SHISA9: variants seen among roughly 807,000 people sequenced by gnomAD.
The protein encoded by SHISA9 is shisa family member 9, also known as protein shisa-9.
In SHISA9, 13 loss-of-function variants were observed where a neutral mutation model predicts 38.0. The observed-to-expected ratio is 0.34, with a 90% CI of 0.22 to 0.54. The LOEUF (loss-of-function observed/expected upper bound fraction) is 0.54, where lower values mean the gene tolerates loss of function less well. Ranked by LOEUF, SHISA9 falls within the 20% of genes least tolerant of loss-of-function variation. SHISA9 has a pLI of 0.91. For synonymous variants in SHISA9, 275 were observed against 242.0 expected, an observed-to-expected ratio of 1.14 and a Z score of -1.27; for missense variants, 538 against 575.8, an observed-to-expected ratio of 0.93 and a Z score of 0.67.
At chr16:13,551,693 G>A in the SHISA9 span, among the ~76,000 whole-genome samples, 1 of 152,140 alleles carries the variant, frequency 6.6e-6, no homozygotes, top group Admixed American at 6.5e-5. Flanking sequence ...TAGACACAAA[G>A]GGGCTTCATA....
intron 2 of SHISA9, among the ~76,000 whole-genome samples, chr16:13,035,766 G>A (rs1457018216): frequency 6.6e-6 from 1 of 152,094 alleles, no homozygotes; most frequent in Non-Finnish European, 1.5e-5. Context: ...CCTGACCTCA[G>A]GTGATCTGCC....
chr16:13,428,690 C>T, the SHISA9 span, among the ~76,000 whole-genome samples: 2,035 of 152,018 alleles, frequency 0.013, 50 homozygotes, highest in African/African-American at 0.046. Context: ...GTCTGTTGGG[C>T]TGATGATCTT....
At chr16:13,017,529 C>G (rs2072772296) in intron 2 of SHISA9, among the ~76,000 whole-genome samples, 2 of 151,998 alleles carry the variant, frequency 1.3e-5, no homozygotes, top group South Asian at 4.2e-4. Flanking sequence ...TATTGAAAGT[C>G]TGTATTCTTT....
intron 2 of SHISA9, among the ~76,000 whole-genome samples, chr16:13,049,634 C>G (rs2073228155): frequency 1.3e-5 from 2 of 152,068 alleles, no homozygotes; most frequent in African/African-American, 4.8e-5. Context: ...TTTTCTCTAT[C>G]CATAACTTAA....
the SHISA9 span, among the ~76,000 whole-genome samples, chr16:13,296,635 G>C: frequency 6.6e-6 from 1 of 151,460 alleles, no homozygotes; most frequent in East Asian, 1.9e-4. Flanking sequence ...TACAATACTT[G>C]CTCATTGCAC....
intron 2 of SHISA9, among the ~76,000 whole-genome samples, chr16:13,136,845 A>G (rs578153934): frequency 9.9e-5 from 15 of 152,192 alleles, no homozygotes; most frequent in Middle Eastern, 6.8e-3. Context: ...TTTTTGACTA[A>G]TGTCTCATTG....
chr16:13,214,985 C>CT (rs1348315538), intron 4 of SHISA9, among the ~76,000 whole-genome samples: 1 of 151,994 alleles, frequency 6.6e-6, no homozygotes, highest in African/African-American at 2.4e-5. Flanking sequence ...ATTATTCTGG[C>CT]TTCTAAGTGG....
intron 2 of SHISA9, among the ~76,000 whole-genome samples, chr16:12,918,518 G>A (rs2071287204): frequency 6.6e-6 from 1 of 152,200 alleles, no homozygotes; most frequent in Non-Finnish European, 1.5e-5. Flanking sequence ...TCCATCAGGT[G>A]GGCGGGAAAC....
chr16:12,948,924 A>T lies in SHISA9; in HGVS notation c.691+32109A>T, dbSNP rs991512606. ...ATTATGCCATAAGCATTTAAATATT[A>T]TATACCTTTGTAATATAATTTCAAA... On this transcript the variant is annotated intron_variant, in intron 2 of 4. Transcript: ENST00000558583. Among the ~76,000 whole-genome samples, 7 of 152,334 alleles carry T rather than the reference A, an allele frequency of 4.6e-5. No homozygotes were observed. In the South Asian group the frequency reaches 8.3e-4, roughly 18 times the overall value.
chr16:13,534,149 T>G, the SHISA9 span, among the ~76,000 whole-genome samples: 1 of 152,048 alleles, frequency 6.6e-6, no homozygotes, highest in Non-Finnish European at 1.5e-5. Flanking sequence ...CCCCATTTCT[T>G]TTTACCATTT....
intron 2 of SHISA9, among the ~76,000 whole-genome samples, chr16:13,109,312 C>T (rs537567659): frequency 7.0e-4 from 106 of 152,270 alleles, no homozygotes; most frequent in African/African-American, 2.5e-3. Context: ...GGGCAGGCAT[C>T]ACCATGCCCA....
the SHISA9 span, among the ~76,000 whole-genome samples, chr16:13,281,623 A>G: frequency 1.5e-5 from 2 of 135,460 alleles, no homozygotes; most frequent in East Asian, 2.1e-4. Flanking sequence ...AATTTATTAT[A>G]TTTTCTCTTA....
chr16:13,326,710 G>A, the SHISA9 span, among the ~76,000 whole-genome samples: 1 of 152,128 alleles, frequency 6.6e-6, no homozygotes, highest in Admixed American at 6.5e-5. Flanking sequence ...GATGAAGCAA[G>A]GCGCCTTCTC....
chr16:13,425,944 C>G, the SHISA9 span, among the ~76,000 whole-genome samples: 5 of 152,126 alleles, frequency 3.3e-5, no homozygotes, highest in Admixed American at 6.6e-5. Context: ...TTGGGGGCTG[C>G]CCAAGGTCAA....
At chr16:12,927,791 A>C (rs1312912736) in intron 2 of SHISA9, among the ~76,000 whole-genome samples, 3 of 152,072 alleles carry the variant, frequency 2.0e-5, no homozygotes, top group Non-Finnish European at 4.4e-5. Flanking sequence ...CCGGTGCTGA[A>C]CCACACCATG....
At chr16:13,489,561 C>A in the SHISA9 span, among the ~76,000 whole-genome samples, 1 of 152,114 alleles carries the variant, frequency 6.6e-6, no homozygotes, top group South Asian at 2.1e-4. Context: ...CCATACTGTT[C>A]TCATGGTAGT....
chr16:13,538,934 A>C, the SHISA9 span, among the ~76,000 whole-genome samples: 1 of 152,084 alleles, frequency 6.6e-6, no homozygotes, highest in Non-Finnish European at 1.5e-5. Flanking sequence ...ATGATAAGAA[A>C]AGGATGTAGA....
chr16:13,015,899 TTTCTTTC>T (rs2072745815), intron 2 of SHISA9, among the ~76,000 whole-genome samples: 2 of 114,642 alleles, frequency 1.7e-5, no homozygotes, highest in Non-Finnish European at 3.8e-5. Flanking sequence ...TCTTTCTTTC[TTTCTTTC>T]TTTTCTTTCT....
the SHISA9 span, among the ~76,000 whole-genome samples, chr16:13,430,889 A>T: frequency 6.6e-6 from 1 of 150,596 alleles, no homozygotes. Flanking sequence ...ACTGCACTCC[A>T]TCCTGGGCAA....
Sources: gnomAD v4.1 joint callset for allele counts (sites outside exome capture counted in the v4.1 genomes callset) on GRCh38, gnomAD v4.1.1 for gene constraint, MANE v1.5 for transcripts, NCBI Gene and HGNC (gene_info 2026-07-23, HGNC 2026-07-21) for gene names.